Variants in UGT8 observed in about 807,000 individuals in gnomAD.
The protein encoded by UGT8 is 2-hydroxyacylsphingosine 1-beta-galactosyltransferase.
In UGT8, 12 loss-of-function variants were observed where a neutral mutation model predicts 40.5. The ratio of observed to expected loss-of-function variants is 0.30; its 90% CI spans 0.19 to 0.48. The LOEUF is 0.48. UGT8 is among the 20% of genes least tolerant of loss of function. The pLI is 0.99. For missense variants in UGT8, 513 were observed against 648.7 expected (o/e 0.79, Z 2.27); for synonymous variants, 224 against 240.4 (o/e 0.93, Z 0.63).
At chr4:114,634,681 A>G (rs558187473) in intron 2 of UGT8, among the ~76,000 whole-genome samples, 1 of 152,310 alleles carries the variant, frequency 6.6e-6, no homozygotes, top group South Asian at 2.1e-4. Flanking sequence ...ATCTTCTTAC[A>G]TTTGTGGCAT....
At chr4:114,598,684 A>G (rs12499938), upstream of UGT8, 115,587 of 151,710 alleles carry the variant, frequency 0.76, 45,434 homozygotes, top group South Asian at 0.89. Flanking sequence ...TGCTCGCCGC[A>G]CGCAGGGCGG....
rs1043347555 is a variant in UGT8, at chr4:114,622,932, G to A, written c.52G>A (p.Ala18Thr). The part of the protein sequence containing the change: ...FILLWSAVGI[A>T]KAAKIIIVPP... ...TCTCCTGTGGAGTGCTGTTGGGATAGCGAAGGCTGCCAAAATCATCATCGT... is the reference window on the plus strand; with the variant it reads ...TCTCCTGTGGAGTGCTGTTGGGATAACGAAGGCTGCCAAAATCATCATCGT... The change falls in exon 2 of 6, where the codon GCG becomes ACG. Residue 18 changes from alanine to threonine, a missense_variant. Physicochemically the swap from Ala to Thr is moderately conservative, Grantham distance 58. Around this residue, in one of 3 missense-constraint regions of UGT8, gnomAD observed 335 missense variants for 444.8 expected, o/e 0.75. Coordinates refer to ENST00000310836, the MANE Select transcript of UGT8 (RefSeq NM_001128174.3). The A allele has an allele frequency of 1.9e-6, 3 of 1,613,910 alleles. No homozygotes were observed. The highest frequency in any genetic ancestry group is 1.3e-5 in the African/African-American group (1 of 74,906).
chr4:114,605,316 G>A (rs1393966172), intron 1 of UGT8, among the ~76,000 whole-genome samples: 2 of 152,076 alleles, frequency 1.3e-5, no homozygotes, highest in African/African-American at 4.8e-5. Flanking sequence ...TTTCCTTGTA[G>A]CATTGTACTA....
At chr4:114,629,433 C>T (rs1732439227) in intron 2 of UGT8, among the ~76,000 whole-genome samples, 1 of 151,992 alleles carries the variant, frequency 6.6e-6, no homozygotes, top group Non-Finnish European at 1.5e-5. Flanking sequence ...GGTTGGCACT[C>T]AATAAAAGTT....
chr4:114,677,100 G>A lies in UGT8; in HGVS notation c.*812G>A, dbSNP rs1213563792. The A allele has an allele frequency of 6.6e-6, 1 of 152,074 alleles. No individual in the cohort carries two copies. Among genetic ancestry groups the A allele is most frequent in the Admixed American group, 6.5e-5 (1 of 15,270 alleles). 9.4% of individuals were successfully genotyped at this position (152,074 alleles called of 1,614,324 possible). A position where few individuals can be genotyped will look rare whatever the true frequency, so the allele number is the denominator to read the frequency against. ...ATTTCATTTTAATGAGTAACAATAT[G>A]TTAAATGCATAATTAAGACAAAGCA... On this transcript the variant is annotated 3_prime_UTR_variant, in exon 6 of 6. Transcript: ENST00000310836.
intron 2 of UGT8, among the ~76,000 whole-genome samples, chr4:114,634,526 C>G (rs939677355): frequency 6.6e-6 from 1 of 152,152 alleles, no homozygotes; most frequent in African/African-American, 2.4e-5. Context: ...TATCATAGGT[C>G]CATCCTTTAT....
chr4:114,627,407 T>C (rs1732301288), intron 2 of UGT8, among the ~76,000 whole-genome samples: 1 of 151,802 alleles, frequency 6.6e-6, no homozygotes, highest in Non-Finnish European at 1.5e-5. Context: ...TACAGACTAG[T>C]GCTACCATAC....
chr4:114,602,610 C>T (rs1730505404), intron 1 of UGT8, among the ~76,000 whole-genome samples: 1 of 152,068 alleles, frequency 6.6e-6, no homozygotes, highest in Admixed American at 6.5e-5. Context: ...CAATTAAGGC[C>T]CTGGGAGGGC....
In UGT8 at chr4:114,662,068, T is replaced by G. The variant is rs529468950; in HGVS notation, c.823-1927T>G. 2.6e-5 allele frequency among the ~76,000 whole-genome samples: 4 copies of G among 152,348 alleles called. No homozygotes were observed. The East Asian group carries it at 7.7e-4, about 29-fold the overall frequency. Reference sequence around the variant, plus strand: ...GGTAAATGTAGCAGAATATAAAAGTTTTAATTCAAAATTGATATAGTCTCT... The same window carrying G: ...GGTAAATGTAGCAGAATATAAAAGTGTTAATTCAAAATTGATATAGTCTCT... On this transcript the variant is annotated intron_variant, in intron 2 of 5. Transcript: ENST00000310836.
At chr4:114,617,117 G>A (rs768854139) in intron 1 of UGT8, among the ~76,000 whole-genome samples, 3 of 152,116 alleles carry the variant, frequency 2.0e-5, no homozygotes, top group East Asian at 1.9e-4. Context: ...AGTTGGGCAC[G>A]GTGGTATGTG....
intron 1 of UGT8, among the ~76,000 whole-genome samples, chr4:114,605,315 A>G (rs181802813): frequency 6.6e-5 from 10 of 152,308 alleles, no homozygotes; most frequent in Admixed American, 6.5e-4. Context: ...GTTTCCTTGT[A>G]GCATTGTACT....
At chr4:114,668,610 A>G (rs997077487) in intron 5 of UGT8, among the ~76,000 whole-genome samples, 1 of 152,200 alleles carries the variant, frequency 6.6e-6, no homozygotes, top group Non-Finnish European at 1.5e-5. Flanking sequence ...TCATTTTCAT[A>G]CTTATAACAG....
chr4:114,675,019 T>TTATACATATATACATGCATACATTACC (rs1735535797), intron 5 of UGT8, among the ~76,000 whole-genome samples: 1 of 152,202 alleles, frequency 6.6e-6, no homozygotes, highest in Non-Finnish European at 1.5e-5. Flanking sequence ...GGTGTTTTCT[T>TTATACATATATACATGCATACATTACC]TATACATATA....
At chr4:114,630,347 G>C (rs1732490443) in intron 2 of UGT8, among the ~76,000 whole-genome samples, 1 of 152,186 alleles carries the variant, frequency 6.6e-6, no homozygotes, top group South Asian at 2.1e-4. Flanking sequence ...TAATTAAAAT[G>C]AGGATAGCAT....
intron 2 of UGT8, among the ~76,000 whole-genome samples, chr4:114,627,554 G>A (rs1335897869): frequency 1.3e-5 from 2 of 151,976 alleles, no homozygotes; most frequent in Non-Finnish European, 2.9e-5. Flanking sequence ...CACCGCGCCT[G>A]GCCAAATAGA....
intron 2 of UGT8, among the ~76,000 whole-genome samples, chr4:114,640,744 T>C (rs982824904): frequency 1.1e-4 from 16 of 152,038 alleles, no homozygotes; most frequent in African/African-American, 3.6e-4. Context: ...AAGAGAGAGA[T>C]TGTGCAGAAA....
chr4:114,604,029 C>T (rs1388009182), intron 1 of UGT8, among the ~76,000 whole-genome samples: 2 of 152,086 alleles, frequency 1.3e-5, no homozygotes, highest in Non-Finnish European at 2.9e-5. Context: ...GCAGAGGGAG[C>T]CAACTGAACA....
At position 114,623,123 on chromosome 4, in the gene UGT8, C is replaced by G. The variant is rs952013338; in HGVS notation, c.243C>G (p.Thr81=). The change falls in exon 2 of 6, where the codon ACC becomes ACG. Residue 81 remains threonine (T), a synonymous_variant. Coordinates refer to ENST00000310836, the MANE Select transcript of UGT8 (RefSeq NM_001128174.3). ...QRYPGIFNST[T]SDAFLQSKMR... ...ACCCAGGGATCTTTAACAGTACCAC[C>G]TCAGATGCTTTCCTACAGTCCAAGA... 1.6e-5 allele frequency: 26 copies of G among 1,614,016 alleles called. No homozygotes were observed. The highest frequency in any genetic ancestry group is 6.7e-5 in the Admixed American group (4 of 59,998).
At chr4:114,634,922 T>G (rs1289530693) in intron 2 of UGT8, among the ~76,000 whole-genome samples, 1 of 152,144 alleles carries the variant, frequency 6.6e-6, no homozygotes, top group South Asian at 2.1e-4. Flanking sequence ...TTATTTCTAG[T>G]GCAGTTGGCA....
Sources: gnomAD v4.1 joint callset for allele counts (sites outside exome capture counted in the v4.1 genomes callset) on GRCh38, gnomAD v4.1.1 for gene constraint, gnomAD v4.1.1 regional missense constraint, MANE v1.5 for transcripts, NCBI Gene and HGNC (gene_info 2026-07-23, HGNC 2026-07-21) for gene names.